The following SLC38A8 variants were observed in gnomAD, a reference collection of about 807,000 sequenced individuals.
The protein encoded by SLC38A8 is solute carrier family 38 member 8.
SLC38A8 carries 65 observed loss-of-function variants against 46.0 expected under a neutral mutation model. That is an observed-to-expected ratio of 1.41 (90% CI 1.16 to 1.74). The LOEUF is 1.74. Among genes scored for constraint, SLC38A8 ranks in the 40% most tolerant of loss-of-function variants. The pLI is 0.00. For synonymous variants in SLC38A8, 447 were observed against 243.7 expected (o/e 1.83, Z -7.77); for missense variants, 998 against 567.9 (o/e 1.76, Z -7.70).
intron 6 of SLC38A8, among the ~76,000 whole-genome samples, chr16:84,025,816 G>A (rs2151120348): frequency 6.6e-6 from 1 of 152,362 alleles, no homozygotes; most frequent in African/African-American, 2.4e-5. Context: ...GTTGAGCACA[G>A]CCCTTCCGCT....
chr16:84,024,251 G>T (rs1484316127), intron 6 of SLC38A8, among the ~76,000 whole-genome samples: 3 of 152,330 alleles, frequency 2.0e-5, no homozygotes, highest in East Asian at 1.9e-4. Flanking sequence ...ACCAGAAAAG[G>T]TCATGAAGGG....
chr16:84,020,883 G>A (rs765442861), intron 7 of SLC38A8, among the ~76,000 whole-genome samples: 3 of 152,178 alleles, frequency 2.0e-5, no homozygotes, highest in East Asian at 3.8e-4. Flanking sequence ...CACTCTATAC[G>A]GCCAGGCTGA....
At chr16:84,013,423 T>TG (rs2084978793) in intron 9 of SLC38A8, among the ~76,000 whole-genome samples, 2 of 83,454 alleles carry the variant, frequency 2.4e-5, no homozygotes, top group Non-Finnish European at 4.2e-5. Context: ...GTTGTGTGTG[T>TG]GTTTTTTTTT....
chr16:84,010,998 C>T (rs934344304), intron 10 of SLC38A8, among the ~76,000 whole-genome samples: 3 of 152,106 alleles, frequency 2.0e-5, no homozygotes, highest in South Asian at 2.1e-4. Context: ...GAGGTCAGAG[C>T]GATAACAAGA....
At chr16:84,017,617 C>T (rs1367578426) in intron 7 of SLC38A8, among the ~76,000 whole-genome samples, 1 of 152,240 alleles carries the variant, frequency 6.6e-6, no homozygotes, top group Admixed American at 6.5e-5. Flanking sequence ...ATGCCCTGTC[C>T]ATCTCACTCC....
At chr16:84,009,996 A>C in intron 10 of SLC38A8, 119 bp from the exon 11 acceptor site, 1 of 735,240 alleles carries the variant, frequency 1.4e-6, no homozygotes. Context: ...GGAAAAAAGA[A>C]AAATTCAGAA....
chr16:84,038,344 G>T (rs1015989805), intron 2 of SLC38A8, among the ~76,000 whole-genome samples: 4 of 151,732 alleles, frequency 2.6e-5, no homozygotes, highest in Non-Finnish European at 5.9e-5. Context: ...CAGGAAAGTT[G>T]CAAGAACGTT....
At chr16:84,023,371 G>A (rs904548366) in intron 6 of SLC38A8, among the ~76,000 whole-genome samples, 1 of 152,108 alleles carries the variant, frequency 6.6e-6, no homozygotes. Flanking sequence ...CTCTGACCAA[G>A]AAAAAGCACC....
intron 5 of SLC38A8, among the ~76,000 whole-genome samples, chr16:84,030,467 C>A (rs930507486): frequency 6.6e-6 from 1 of 152,050 alleles, no homozygotes; most frequent in South Asian, 2.1e-4. Flanking sequence ...GTTTCTCCTG[C>A]CAGCCCGGAC....
rs759237071 is a variant in SLC38A8, at chr16:84,033,315, T to A, written c.530+13A>T. The A allele has an allele frequency of 3.7e-6, 6 of 1,613,746 alleles. No homozygotes were observed. The highest frequency in any genetic ancestry group is 1.7e-5 in the Admixed American group (1 of 59,994). On this transcript the variant is annotated intron_variant, in intron 4 of 10. Coordinates refer to ENST00000299709, the MANE Select transcript of SLC38A8 (RefSeq NM_001080442.3). Reference sequence around the variant, plus strand: ...AGGTGGGGGCCCCCACCAGGCAGCATCCCAGCCCTTACCTTGTGTATTTCT... The same window carrying A: ...AGGTGGGGGCCCCCACCAGGCAGCAACCCAGCCCTTACCTTGTGTATTTCT...
At chr16:84,030,365 C>G (rs535567731) in intron 5 of SLC38A8, among the ~76,000 whole-genome samples, 2 of 152,164 alleles carry the variant, frequency 1.3e-5, no homozygotes, top group Non-Finnish European at 2.9e-5. Flanking sequence ...TCCTCATCCC[C>G]TCGACCTGCC....
At chr16:84,030,826 G>C (rs1316656272) in intron 5 of SLC38A8, among the ~76,000 whole-genome samples, 2 of 152,024 alleles carry the variant, frequency 1.3e-5, no homozygotes, top group African/African-American at 4.8e-5. Flanking sequence ...CTGAGCATGG[G>C]GCCTGGGTGA....
rs144995321 is a variant in SLC38A8 at position 84,016,018 on chromosome 16, C to G, written c.1162+501G>C. Reference sequence around the variant, plus strand: ...TTATAAAGAAAAGAGGTTTAATGGACTCACAGTTCCACATGGCTGAGGAGG... The same window carrying G: ...TTATAAAGAAAAGAGGTTTAATGGAGTCACAGTTCCACATGGCTGAGGAGG... On this transcript the variant is annotated intron_variant, in intron 9 of 10. Transcript: ENST00000299709. Among the ~76,000 whole-genome samples, 589 of 152,210 alleles carry G rather than the reference C, an allele frequency of 3.9e-3. 1 individual carries two copies. The highest frequency in any genetic ancestry group is 0.014 in the African/African-American group (576 of 41,502).
At chr16:84,041,735 C>G (rs1396640880) in intron 2 of SLC38A8, among the ~76,000 whole-genome samples, 2 of 152,198 alleles carry the variant, frequency 1.3e-5, no homozygotes, top group Admixed American at 6.5e-5. Flanking sequence ...ATGCCTGTAG[C>G]TCCATCCCGG....
At chr16:84,015,932 G>A (rs1402565112) in intron 9 of SLC38A8, among the ~76,000 whole-genome samples, 4 of 152,326 alleles carry the variant, frequency 2.6e-5, no homozygotes, top group Non-Finnish European at 4.4e-5. Context: ...GCCTGCCTCG[G>A]CCTCCCAAAG....
chr16:84,041,152 A>G (rs1170406711), intron 2 of SLC38A8: 2 of 152,282 alleles, frequency 1.3e-5, no homozygotes, highest in Non-Finnish European at 2.9e-5. Context: ...CTCCCGCAGC[A>G]AAGAGAAGAG....
chr16:84,037,104 G>A (rs1035858309), intron 2 of SLC38A8, among the ~76,000 whole-genome samples: 2 of 152,200 alleles, frequency 1.3e-5, no homozygotes, highest in African/African-American at 2.4e-5. Context: ...GAGCTGCAGT[G>A]CAGGCTGATT....
chr16:84,029,953 T>C (rs569411952), intron 5 of SLC38A8, among the ~76,000 whole-genome samples: 28 of 152,296 alleles, frequency 1.8e-4, no homozygotes, highest in East Asian at 1.4e-3. Flanking sequence ...CCAAGCCACC[T>C]AAGAGGACAG....
intron 3 of SLC38A8, among the ~76,000 whole-genome samples, chr16:84,034,344 G>A (rs866293999): frequency 5.9e-5 from 9 of 152,232 alleles, no homozygotes; most frequent in South Asian, 2.1e-4. Context: ...TAACCTCTCC[G>A]TGGAAAGAAC....
Sources: gnomAD v4.1 joint callset for allele counts (sites outside exome capture counted in the v4.1 genomes callset) on GRCh38, gnomAD v4.1.1 for gene constraint, MANE v1.5 for transcripts, NCBI Gene and HGNC (gene_info 2026-07-23, HGNC 2026-07-21) for gene names.